ZNF808: variants seen among roughly 807,000 people sequenced by gnomAD.
The protein encoded by ZNF808 is zinc finger protein 808.
A neutral mutation model predicts 8.7 loss-of-function variants in ZNF808; 5 were observed. That is an observed-to-expected ratio of 0.58 (90% CI 0.30 to 1.21). The LOEUF (loss-of-function observed/expected upper bound fraction) is 1.21. ZNF808 is among the 50% of genes most tolerant of loss of function. The pLI, the probability that ZNF808 is intolerant of heterozygous loss-of-function variation, is 0.07. For synonymous variants in ZNF808, 380 were observed against 366.0 expected, an observed-to-expected ratio of 1.04 and a Z score of -0.44; for missense variants, 1,103 against 1,098.4, an observed-to-expected ratio of 1.00 and a Z score of -0.06.
At chr19:52,538,338 T>A (rs1214306684) in intron 2 of ZNF808, among the ~76,000 whole-genome samples, 3 of 151,952 alleles carry the variant, frequency 2.0e-5, no homozygotes, top group Non-Finnish European at 4.4e-5. Context: ...CTAATTATTA[T>A]TATTATTATT....
rs199925323 is a variant in ZNF808, at chr19:52,529,908, TATA to T, written c.-122+2198_-122+2200del. On this transcript the variant is annotated intron_variant, in intron 1 of 4. Coordinates refer to ENST00000359798, the MANE Select transcript of ZNF808 (RefSeq NM_001039886.4). ...GCTAGTTTACATATATATATATATA[TATA>T]TTTTTTTTTTTTGTAGAAACGTGGT... Among the ~76,000 whole-genome samples the T allele has an allele frequency of 5.9e-4, 68 of 114,858 alleles. No individual in the cohort carries two copies. The Middle Eastern group carries it at 0.013, about 23-fold the overall frequency. The allele number at this position is 114,858 out of a possible 152,430, so 75.4% of individuals were successfully genotyped here.
intron 3 of ZNF808, among the ~76,000 whole-genome samples, chr19:52,547,184 A>G (rs1263291341): frequency 6.6e-6 from 1 of 151,888 alleles, no homozygotes; most frequent in Non-Finnish European, 1.5e-5. Flanking sequence ...TTGACCTCAA[A>G]TAATCTGCCC....
At chr19:52,552,865 A>G (rs1244039558) in intron 4 of ZNF808, among the ~76,000 whole-genome samples, 2 of 152,060 alleles carry the variant, frequency 1.3e-5, no homozygotes, top group African/African-American at 2.4e-5. Flanking sequence ...AGGCTTATAC[A>G]TATTTGTGCC....
At chr19:52,530,687 A>C (rs1286247222) in intron 1 of ZNF808, among the ~76,000 whole-genome samples, 1 of 151,548 alleles carries the variant, frequency 6.6e-6, no homozygotes, top group Non-Finnish European at 1.5e-5. Flanking sequence ...AGAAAGAAAA[A>C]GTAAGGAACA....
chr19:52,532,498 A>G (rs2059569915), intron 1 of ZNF808, among the ~76,000 whole-genome samples: 1 of 152,210 alleles, frequency 6.6e-6, no homozygotes, highest in Admixed American at 6.5e-5. Context: ...ATTATTTACC[A>G]ATATAATATA....
intron 4 of ZNF808, 101 bp downstream of exon 4, chr19:52,547,739 GTT>G (rs1300723717): frequency 0.031 from 29,849 of 963,184 alleles, 17 homozygotes; most frequent in South Asian, 0.045. Context: ...ATCCATGCTG[GTT>G]TTTTTTTTTT....
At chr19:52,566,571 A>G (rs950895899), downstream of ZNF808, among the ~76,000 whole-genome samples, 1 of 152,210 alleles carries the variant, frequency 6.6e-6, no homozygotes, top group Non-Finnish European at 1.5e-5. Context: ...ACAAAACTTT[A>G]TAATATTTCA....
chr19:52,565,937 G>T (rs537359948), downstream of ZNF808, among the ~76,000 whole-genome samples: 33 of 152,182 alleles, frequency 2.2e-4, no homozygotes, highest in East Asian at 9.7e-4. Context: ...TTTTAACCTT[G>T]GCAAAATAGA....
intron 2 of ZNF808, among the ~76,000 whole-genome samples, chr19:52,536,420 C>G (rs1426469026): frequency 1.3e-5 from 2 of 152,096 alleles, no homozygotes; most frequent in Non-Finnish European, 2.9e-5. Context: ...AGCGCTGTGT[C>G]CCCAGTCCTG....
chr19:52,543,258 A>G lies in ZNF808; in HGVS notation c.-19-8A>G. 1 of 1,608,650 alleles carries G rather than the reference A, an allele frequency of 6.2e-7. No homozygotes were observed. The highest frequency in any genetic ancestry group is 8.5e-7 in the Non-Finnish European group (1 of 1,178,092). ...CTAACATGAAGTCTTATTTTTTTTCACATACAGGATTGATTTCTAAAGACT... is the reference window on the plus strand; with the variant it reads ...CTAACATGAAGTCTTATTTTTTTTCGCATACAGGATTGATTTCTAAAGACT... On this transcript the variant is annotated splice_polypyrimidine_tract_variant and splice_region_variant and intron_variant, in intron 2 of 4. Transcript: ENST00000359798.
At chr19:52,536,336 A>T (rs1309809102) in intron 2 of ZNF808, among the ~76,000 whole-genome samples, 1 of 151,788 alleles carries the variant, frequency 6.6e-6, no homozygotes, top group Non-Finnish European at 1.5e-5. Flanking sequence ...CGTTCTTTTT[A>T]AAGTCCCCGA....
intron 3 of ZNF808, among the ~76,000 whole-genome samples, chr19:52,545,605 C>T (rs1217630275): frequency 6.6e-6 from 1 of 152,046 alleles, no homozygotes; most frequent in Non-Finnish European, 1.5e-5. Flanking sequence ...TGGTGAAACC[C>T]TGTCGCTGCT....
downstream of ZNF808, among the ~76,000 whole-genome samples, chr19:52,559,106 A>G (rs985561848): frequency 6.6e-6 from 1 of 152,166 alleles, no homozygotes; most frequent in African/African-American, 2.4e-5. Flanking sequence ...CCCCAGCCCA[A>G]CACCCGTAAA....
intron 2 of ZNF808, among the ~76,000 whole-genome samples, chr19:52,535,745 AG>A (rs1169583577): frequency 6.6e-6 from 1 of 152,156 alleles, no homozygotes; most frequent in Non-Finnish European, 1.5e-5. Context: ...TTCACATTTT[AG>A]TTTGCATGCC....
intron 2 of ZNF808, among the ~76,000 whole-genome samples, chr19:52,540,811 A>T (rs988447782): frequency 6.6e-6 from 1 of 152,094 alleles, no homozygotes; most frequent in Non-Finnish European, 1.5e-5. Flanking sequence ...ATCTATTGCT[A>T]TGTGTGCACA....
intron 4 of ZNF808, among the ~76,000 whole-genome samples, chr19:52,547,953 C>T (rs188199339): frequency 1.3e-3 from 195 of 151,966 alleles, no homozygotes; most frequent in Admixed American, 2.8e-3. Flanking sequence ...TGGTCAGGCT[C>T]GTCTCTAACT....
At chr19:52,548,856 G>A (rs1302699731) in intron 4 of ZNF808, among the ~76,000 whole-genome samples, 2 of 152,030 alleles carry the variant, frequency 1.3e-5, no homozygotes, top group Non-Finnish European at 2.9e-5. Context: ...GGTGGCTCAC[G>A]CCTGTAATCC....
intron 2 of ZNF808, among the ~76,000 whole-genome samples, chr19:52,538,467 C>T (rs746996842): frequency 1.5e-4 from 23 of 150,576 alleles, no homozygotes; most frequent in South Asian, 1.1e-3. Flanking sequence ...GATACTACCC[C>T]CTGAGTATCT....
chr19:52,529,248 C>T (rs1055569892), intron 1 of ZNF808, among the ~76,000 whole-genome samples: 7 of 151,130 alleles, frequency 4.6e-5, no homozygotes, highest in African/African-American at 1.7e-4. Flanking sequence ...GGGGCATAAT[C>T]GTGTGCACCT....
Sources: allele counts gnomAD v4.1 joint callset (sites outside exome capture counted in the v4.1 genomes callset), GRCh38; gene constraint gnomAD v4.1.1; transcripts MANE v1.5; gene names NCBI Gene and HGNC (gene_info 2026-07-23, HGNC 2026-07-21).